TMEM144: variants seen among roughly 807,000 people sequenced by gnomAD.
TMEM144 encodes the protein transmembrane protein 144.
A neutral mutation model predicts 43.6 loss-of-function variants in TMEM144; 39 were observed. That is an observed-to-expected ratio of 0.90 (90% CI 0.69 to 1.17). The LOEUF is 1.17. TMEM144 is among the 50% of genes most tolerant of loss of function. The pLI is 0.00. For synonymous variants in TMEM144, 154 were observed against 133.6 expected, an observed-to-expected ratio of 1.15 and a Z score of -1.06; for missense variants, 417 against 411.9, an observed-to-expected ratio of 1.01 and a Z score of -0.11.
chr4:158,234,938 T>C (rs1157775192), intron 7 of TMEM144: 1 of 153,258 alleles, frequency 6.5e-6, no homozygotes, highest in Non-Finnish European at 1.5e-5. Flanking sequence ...AAGGGAGGGG[T>C]ACTGTAATTC....
chr4:158,254,088 A>G lies in TMEM144; in HGVS notation c.*561A>G, dbSNP rs944721763. On this transcript the variant is annotated 3_prime_UTR_variant, in exon 13 of 13. Transcript: ENST00000296529. ...AAACTTCTGTTTATTTCAAGTTAAT[A>G]TCGCCCAACTCTACATCATCTACCC... 2 of 152,416 alleles carry G rather than the reference A, an allele frequency of 1.3e-5. No individual in the cohort carries two copies. The highest frequency in any genetic ancestry group is 4.8e-5 in the African/African-American group (2 of 41,460). 9.4% of individuals were successfully genotyped at this position (152,416 alleles called of 1,614,324 possible).
chr4:158,217,282 A>G lies in TMEM144; in HGVS notation c.233-39A>G, dbSNP rs367936881. 54 of 1,353,328 alleles carry G rather than the reference A, an allele frequency of 4.0e-5. No individual in the cohort carries two copies. The African/African-American group carries it at 7.7e-4, about 19-fold the overall frequency. The allele number at this position is 1,353,328 out of a possible 1,614,324, so 83.8% of individuals were successfully genotyped here. A position where few individuals can be genotyped will look rare whatever the true frequency, so the allele number is the denominator to read the frequency against. ...TTCTATTTATAAATGTATTTTCTAT[A>G]TGGAAATAACATGTTTCTTCTGTAT... On this transcript the variant is annotated intron_variant, in intron 4 of 12. Transcript: ENST00000296529.
rs780762606 is a variant in TMEM144, at chr4:158,253,471, C to A, written c.982C>A (p.Leu328Ile). ...TCTACAAAACTACCTATTAATGATA[C>A]TTGCATTTTGCATCATCTTGACTGG... Reference protein sequence around the residue: ...KGLQNYLLMILAFCIILTGAL... With the variant: ...KGLQNYLLMIIAFCIILTGAL... The change falls in exon 13 of 13, where the codon CTT becomes ATT. Residue 328 changes from leucine (L) to isoleucine (I), a missense_variant. Physicochemically the swap from Leu to Ile is conservative, Grantham distance 5. Transcript: ENST00000296529. The A allele has an allele frequency of 6.2e-7, 1 of 1,613,672 alleles. No homozygotes were observed. Among genetic ancestry groups the A allele is most frequent in the Non-Finnish European group, 8.5e-7 (1 of 1,179,828 alleles).
At chr4:158,240,254 G>C (rs929137838) in intron 9 of TMEM144, 45 bp from the exon 10 acceptor site, 1 of 1,571,020 alleles carries the variant, frequency 6.4e-7, no homozygotes, top group Admixed American at 1.9e-5. Flanking sequence ...AATATATCTG[G>C]AATGATTAAA....
At chr4:158,235,327 A>C in intron 7 of TMEM144, 111 bp from the exon 8 acceptor site, 1 of 1,104,060 alleles carries the variant, frequency 9.1e-7, no homozygotes, top group South Asian at 1.7e-5. Context: ...CATGTTTATT[A>C]TATTTTAAAG....
At position 158,235,459 on chromosome 4, in the gene TMEM144, C is replaced by G; in HGVS notation, c.517C>G (p.Pro173Ala). 1 of 1,613,868 alleles carries G rather than the reference C, an allele frequency of 6.2e-7. No homozygotes were observed. The highest frequency in any genetic ancestry group is 1.7e-4 in the Middle Eastern group (1 of 6,060). Residue 173 changes from proline to alanine, a missense_variant, in exon 8 of 13, where the codon CCC (proline) becomes GCC (alanine). Physicochemically the swap from Pro to Ala is conservative, Grantham distance 27. Transcript: ENST00000296529. ...ATAGGTGATCAACACAACCCAAGACCCCTGTTCCTGGGTGGATAAACTTTC... is the reference window on the plus strand; with the variant it reads ...ATAGGTGATCAACACAACCCAAGACGCCTGTTCCTGGGTGGATAAACTTTC... ...TEHVINTTQD[P>A]CSWVDKLSTV...
At position 158,254,141 on chromosome 4, in the gene TMEM144, C is replaced by T. The variant is rs943413034; in HGVS notation, c.*614C>T. On this transcript the variant is annotated 3_prime_UTR_variant, in exon 13 of 13. Transcript: ENST00000296529. The stretch of plus-strand genomic sequence containing the variant: ...TTTAGCTCATAATGCTTTTGATTAT[C>T]GCCAGATAAAGTCCATTCTCAGAGA... 6.6e-6 allele frequency: 1 copy of T among 152,184 alleles called. No homozygotes were observed. The highest frequency in any genetic ancestry group is 1.5e-5 in the Non-Finnish European group (1 of 68,066). 9.4% of individuals were successfully genotyped at this position (152,184 alleles called of 1,614,324 possible).
At chr4:158,235,691 T>C in intron 8 of TMEM144, 186 bp downstream of exon 8, 1 of 479,596 alleles carries the variant, frequency 2.1e-6, no homozygotes, top group Admixed American at 3.5e-5. Context: ...GCCCTTGAGC[T>C]CAACTGCTTT....
intron 6 of TMEM144, among the ~76,000 whole-genome samples, chr4:158,232,381 T>C (rs1735124746): frequency 6.6e-6 from 1 of 152,186 alleles, no homozygotes; most frequent in Admixed American, 6.5e-5. Flanking sequence ...TCACCTGAGT[T>C]TGAGTGTACC....
intron 12 of TMEM144, 81 bp from the exon 13 acceptor site, chr4:158,253,363 C>A: frequency 8.2e-7 from 1 of 1,224,894 alleles, no homozygotes; most frequent in South Asian, 1.3e-5. Context: ...TGGTTAGGTC[C>A]CTAGCAATCT....
chr4:158,230,110 A>G (rs952168718), intron 6 of TMEM144, among the ~76,000 whole-genome samples: 2 of 152,224 alleles, frequency 1.3e-5, no homozygotes, highest in Non-Finnish European at 1.5e-5. Context: ...CCTAGGCCCC[A>G]GTGGCGTAGG....
chr4:158,228,411 G>C (rs1321143984), intron 6 of TMEM144, among the ~76,000 whole-genome samples: 1 of 140,630 alleles, frequency 7.1e-6, no homozygotes, highest in Non-Finnish European at 1.5e-5. Flanking sequence ...GTGCCGATAA[G>C]GGCACGCCAT....
rs1043478930 is a variant in TMEM144 at position 158,254,438 on chromosome 4, T to G, written c.*911T>G. On this transcript the variant is annotated 3_prime_UTR_variant, in exon 13 of 13. Coordinates refer to ENST00000296529, the MANE Select transcript of TMEM144 (RefSeq NM_018342.5). ...AAATAAAATGACAGGCATGCTAGTTTTTTTTTTTTTTTTTTTTTTTTAAGA... is the reference window on the plus strand; with the variant it reads ...AAATAAAATGACAGGCATGCTAGTTGTTTTTTTTTTTTTTTTTTTTTAAGA... 9 of 96,400 alleles carry G rather than the reference T, an allele frequency of 9.3e-5. No homozygotes were observed. Among genetic ancestry groups the G allele is most frequent in the African/African-American group, 2.9e-4 (7 of 24,376 alleles). 6.0% of individuals were successfully genotyped at this position (96,400 alleles called of 1,614,324 possible). A position where few individuals can be genotyped will look rare whatever the true frequency, so the allele number is the denominator to read the frequency against.
intron 11 of TMEM144, 78 bp downstream of exon 11, chr4:158,241,684 C>T (rs533206557): frequency 3.8e-5 from 41 of 1,090,134 alleles, no homozygotes; most frequent in African/African-American, 1.7e-4. Flanking sequence ...CTTAGGGCAT[C>T]GCTAAAGACT....
At chr4:158,245,701 G>A (rs1026267464) in intron 12 of TMEM144, among the ~76,000 whole-genome samples, 3 of 150,288 alleles carry the variant, frequency 2.0e-5, no homozygotes, top group Non-Finnish European at 4.4e-5. Flanking sequence ...CTTGCGGGAG[G>A]ATTGCTTGAG....
At chr4:158,238,241 A>T (rs1334195118) in intron 9 of TMEM144, among the ~76,000 whole-genome samples, 1 of 152,224 alleles carries the variant, frequency 6.6e-6, no homozygotes, top group Admixed American at 6.5e-5. Context: ...TACAACCATG[A>T]AATGATAAGA....
intron 8 of TMEM144, 132 bp downstream of exon 8, chr4:158,235,637 T>C (rs921486388): frequency 1.1e-6 from 1 of 918,432 alleles, no homozygotes; most frequent in African/African-American, 1.7e-5. Context: ...TCTATCTCCA[T>C]GCGGCGAGGT....
chr4:158,217,207 A>G (rs1734266061), intron 4 of TMEM144, 114 bp from the exon 5 acceptor site: 1 of 666,362 alleles, frequency 1.5e-6, no homozygotes, highest in Non-Finnish European at 2.4e-6. Context: ...GTGCTTTACT[A>G]AATTTGTCCA....
intron 6 of TMEM144, among the ~76,000 whole-genome samples, chr4:158,224,333 C>CA (rs1482483031): frequency 1.3e-5 from 2 of 152,088 alleles, no homozygotes; most frequent in African/African-American, 4.8e-5. Flanking sequence ...AGGCAGATTG[C>CA]AAAAAATTTC....
Sources: gnomAD v4.1 joint callset for allele counts (sites outside exome capture counted in the v4.1 genomes callset) on GRCh38, gnomAD v4.1.1 for gene constraint, MANE v1.5 for transcripts, NCBI Gene and HGNC (gene_info 2026-07-23, HGNC 2026-07-21) for gene names.